SPAG7: variants seen among roughly 807,000 people sequenced by gnomAD.
The protein encoded by SPAG7 is sperm associated antigen 7, also known as sperm-associated antigen 7.
In SPAG7, 20 loss-of-function variants were observed where a neutral mutation model predicts 30.6. The ratio of observed to expected loss-of-function variants is 0.65; its 90% CI spans 0.46 to 0.95. SPAG7 has a LOEUF of 0.95. Among genes scored for constraint, SPAG7 ranks in the 40% least tolerant of loss-of-function variants. SPAG7 has a pLI of 0.00. For missense variants in SPAG7, 276 were observed against 291.1 expected (o/e 0.95, Z 0.38); for synonymous variants, 127 against 104.2 (o/e 1.22, Z -1.33).
chr17:4,959,325 ATT>A lies in SPAG7; in HGVS notation c.*207_*208del, dbSNP rs1971817044. 16 of 589,944 alleles carry A rather than the reference ATT, an allele frequency of 2.7e-5. No individual in the cohort carries two copies. Among genetic ancestry groups the A allele is most frequent in the Middle Eastern group, 4.5e-4 (1 of 2,240 alleles). The allele number at this position is 589,944 out of a possible 1,614,324, so 36.5% of individuals were successfully genotyped here. ...ATACAGATTAAATACCCACCTGTGC[ATT>A]CACACTCTCACACACACACACACAT... On this transcript the variant is annotated 3_prime_UTR_variant, in exon 7 of 7. Transcript: ENST00000206020.
chr17:4,960,206 G>GT, intron 4 of SPAG7, 28 bp downstream of exon 4: 1 of 1,608,888 alleles, frequency 6.2e-7, no homozygotes, highest in South Asian at 1.1e-5. Context: ...AAGGGGAGAG[G>GT]AGAGAATGAG....
chr17:4,960,558 G>A lies in SPAG7; in HGVS notation c.154-11C>T. 6.2e-7 allele frequency: 1 copy of A among 1,600,312 alleles called. No individual in the cohort carries two copies. Among genetic ancestry groups the A allele is most frequent in the Non-Finnish European group, 8.5e-7 (1 of 1,172,152 alleles). On this transcript the variant is annotated splice_polypyrimidine_tract_variant and intron_variant, in intron 2 of 6. Coordinates refer to ENST00000206020, the MANE Select transcript of SPAG7 (RefSeq NM_004890.3). Reference sequence around the variant, plus strand: ...CACCTCCTTCTCCATCTTGGGAGAGGGGAAAGGAAGCAGATATGAGACAAT... The same window carrying A: ...CACCTCCTTCTCCATCTTGGGAGAGAGGAAAGGAAGCAGATATGAGACAAT...
rs769890094 is a variant in SPAG7 at position 4,959,337 on chromosome 17, A to T, written c.*197T>A. The T allele has an allele frequency of 3.1e-4, 146 of 476,544 alleles. 1 individual carries two copies. The highest frequency in any genetic ancestry group is 2.1e-3 in the South Asian group (80 of 38,496). 29.5% of individuals were successfully genotyped at this position (476,544 alleles called of 1,614,324 possible). Reference sequence around the variant, plus strand: ...TACCCACCTGTGCATTCACACTCTCACACACACACACACATGCCACGCACA... The same window carrying T: ...TACCCACCTGTGCATTCACACTCTCTCACACACACACACATGCCACGCACA... On this transcript the variant is annotated 3_prime_UTR_variant, in exon 7 of 7. Transcript: ENST00000206020.
chr17:4,963,004 T>C (rs35688913), intron 1 of SPAG7, among the ~76,000 whole-genome samples: 126,010 of 151,764 alleles, frequency 0.83, 53,105 homozygotes, highest in African/African-American at 0.94. Flanking sequence ...TGGCCTCAAG[T>C]AATCCTCCCA....
At position 4,959,638 on chromosome 17, in the gene SPAG7, C is replaced by T. The variant is rs1160189500; in HGVS notation, c.580G>A (p.Val194Met). ...GAGCGTGTGTCCCTCTTATTGGCCACGGGCACTAGGGGCAGAGAGGAGGGT... is the reference window on the plus strand; with the variant it reads ...GAGCGTGTGTCCCTCTTATTGGCCATGGGCACTAGGGGCAGAGAGGAGGGT... Reference protein sequence around the residue: ...QANKTYGCVPVANKRDTRSIE... With the variant: ...QANKTYGCVPMANKRDTRSIE... The change falls in exon 7 of 7, where the codon GTG becomes ATG. Residue 194 changes from valine (V) to methionine (M), a missense_variant. Transcript: ENST00000206020. 8 of 1,613,810 alleles carry T rather than the reference C, an allele frequency of 5.0e-6. No individual in the cohort carries two copies. The highest frequency in any genetic ancestry group is 1.7e-5 in the Admixed American group (1 of 60,002).
intron 1 of SPAG7, chr17:4,967,002 G>A: frequency 9.1e-6 from 9 of 985,738 alleles, no homozygotes; most frequent in Non-Finnish European, 1.1e-5. Context: ...CCGCCCTGCA[G>A]GGCCGCGCCC....
intron 1 of SPAG7, among the ~76,000 whole-genome samples, chr17:4,965,043 G>C (rs1971927746): frequency 6.6e-6 from 1 of 152,218 alleles, no homozygotes; most frequent in African/African-American, 2.4e-5. Flanking sequence ...CCGAGTAGCT[G>C]GGATCACAGG....
Position 4,959,459 on chromosome 17 carries a change from G to GCT in SPAG7, c.*73_*74dup. 8.3e-7 allele frequency: 1 copy of GCT among 1,200,700 alleles called. No homozygotes were observed. Among genetic ancestry groups the GCT allele is most frequent in the Admixed American group, 1.7e-5 (1 of 57,486 alleles). 74.4% of individuals were successfully genotyped at this position (1,200,700 alleles called of 1,614,324 possible). Reference sequence around the variant, plus strand: ...GTTCAGAGGTGGGGCTCCAGGATGGGCTCTAATAGCAGCAGCCTTGTCTCT... The same window carrying GCT: ...GTTCAGAGGTGGGGCTCCAGGATGGGCTCTCTAATAGCAGCAGCCTTGTCTCT... On this transcript the variant is annotated 3_prime_UTR_variant, in exon 7 of 7. Coordinates refer to ENST00000206020, the MANE Select transcript of SPAG7 (RefSeq NM_004890.3).
rs779273167 is a variant in SPAG7, at chr17:4,960,539, C to T, written c.162G>A (p.Lys54=). The change falls in exon 3 of 7, where the codon AAG becomes AAA. Residue 54 remains lysine (K), a synonymous_variant. Transcript: ENST00000206020. The part of the protein sequence containing the change: ...QKVEFRKRME[K]EVSDFIQDSG... ...TGTCTTGAATGAAATCTGACACCTC[C>T]TTCTCCATCTTGGGAGAGGGGAAAG... The T allele has an allele frequency of 5.6e-6, 9 of 1,604,994 alleles. No individual in the cohort carries two copies. The Admixed American group carries it at 1.1e-4, about 19-fold the overall frequency.
At chr17:4,960,942 T>C (rs945604386) in intron 1 of SPAG7, 89 bp from the exon 2 acceptor site, 1 of 1,143,014 alleles carries the variant, frequency 8.7e-7, no homozygotes, top group Non-Finnish European at 1.3e-6. Context: ...TGGTGTCCAC[T>C]GGGAGGTGTC....
chr17:4,959,708 G>A (rs1971827224), intron 6 of SPAG7, 52 bp downstream of exon 6: 2 of 1,613,792 alleles, frequency 1.2e-6, no homozygotes, highest in Non-Finnish European at 1.7e-6. Flanking sequence ...CTGCCCTCCT[G>A]CCGCATCCTA....
rs571328067 is a variant in SPAG7 at position 4,963,489 on chromosome 17, C to T, written c.86-2636G>A. ...TTTTTTTTTTTTTGAGATGGAATCT[C>T]GCTTTGTCGCCCAGGCTGGAGTGCA... is the stretch of plus-strand genomic sequence containing the variant. On this transcript the variant is annotated intron_variant, in intron 1 of 6. Transcript: ENST00000206020. Among the ~76,000 whole-genome samples, 14 of 126,388 alleles carry T rather than the reference C, an allele frequency of 1.1e-4. 1 individual carries two copies. The highest frequency in any genetic ancestry group is 3.7e-4 in the African/African-American group (12 of 32,208). The allele number at this position is 126,388 out of a possible 152,430, so 82.9% of individuals were successfully genotyped here. A position where few individuals can be genotyped will look rare whatever the true frequency, so the allele number is the denominator to read the frequency against.
intron 1 of SPAG7, among the ~76,000 whole-genome samples, chr17:4,961,374 T>G (rs1372448964): frequency 1.1e-4 from 16 of 145,036 alleles, no homozygotes; most frequent in Middle Eastern, 4.5e-3. Context: ...GGAGAATCGC[T>G]TGAACCTGGG....
intron 1 of SPAG7, 77 bp downstream of exon 1, chr17:4,967,643 C>G (rs1023774112): frequency 1.8e-6 from 2 of 1,119,600 alleles, no homozygotes. Context: ...GTTGAGGAGG[C>G]GGCATCGTCC....
In SPAG7 at chr17:4,961,691, G is replaced by A. The variant is rs1971866103; in HGVS notation, c.86-838C>T. On this transcript the variant is annotated intron_variant, in intron 1 of 6. Coordinates refer to ENST00000206020, the MANE Select transcript of SPAG7 (RefSeq NM_004890.3). ...GAGGCAGGAGAATGGCGTGAACCTG[G>A]GAGGCGGAGCTTGCAGTGAGCAGAG... Among the ~76,000 whole-genome samples, 3 of 150,292 alleles carry A rather than the reference G, an allele frequency of 2.0e-5. No individual in the cohort carries two copies. The South Asian group carries it at 6.4e-4, about 32-fold the overall frequency.
chr17:4,962,006 C>T (rs1971872033), intron 1 of SPAG7, among the ~76,000 whole-genome samples: 1 of 152,170 alleles, frequency 6.6e-6, no homozygotes, highest in Admixed American at 6.6e-5. Flanking sequence ...ATTATTAAGA[C>T]ACAATGTGGC....
At chr17:4,965,337 T>C (rs1971932198) in intron 1 of SPAG7, among the ~76,000 whole-genome samples, 1 of 151,962 alleles carries the variant, frequency 6.6e-6, no homozygotes, top group South Asian at 2.1e-4. Flanking sequence ...GCATGAGCCC[T>C]CTCCCCATTT....
chr17:4,966,852 TG>T, intron 1 of SPAG7: 1 of 985,498 alleles, frequency 1.0e-6, no homozygotes, highest in South Asian at 4.7e-5. Context: ...GCGTCCTGCC[TG>T]CTCTGGTCCC....
At chr17:4,967,288 G>T (rs2024779411) in intron 1 of SPAG7, 2 of 941,612 alleles carry the variant, frequency 2.1e-6, no homozygotes, top group Non-Finnish European at 2.6e-6. Flanking sequence ...AAGGAAGGTC[G>T]AACAGGCCTG....
Sources: allele counts gnomAD v4.1 joint callset (sites outside exome capture counted in the v4.1 genomes callset), GRCh38; gene constraint gnomAD v4.1.1; transcripts MANE v1.5; gene names NCBI Gene and HGNC (gene_info 2026-07-23, HGNC 2026-07-21).